Variants in LUC7L3 observed in about 807,000 individuals in gnomAD.
LUC7L3 encodes the protein luc7-like protein 3.
LUC7L3 carries 6 observed loss-of-function variants against 66.8 expected under a neutral mutation model. That is an observed-to-expected ratio of 0.09 (90% CI 0.05 to 0.18). The LOEUF is 0.18. Ranked by LOEUF, LUC7L3 falls within the 10% of genes least tolerant of loss-of-function variation. The probability of loss-of-function intolerance (pLI) is 1.00; values close to 1 mark genes in which losing one functional copy is unlikely to be tolerated. For missense variants in LUC7L3, 341 were observed against 531.1 expected (o/e 0.64, Z 3.52); for synonymous variants, 160 against 174.7 (o/e 0.92, Z 0.66).
At chr17:50,731,378 G>A (rs1016640855) in intron 1 of LUC7L3, among the ~76,000 whole-genome samples, 1 of 152,122 alleles carries the variant, frequency 6.6e-6, no homozygotes, top group African/African-American at 2.4e-5. Context: ...ATGTTGGCCA[G>A]GCTGGTCTTG....
rs2015922 is a variant in LUC7L3 at position 50,727,936 on chromosome 17, C to G, written c.99+8105C>G. Among the ~76,000 whole-genome samples, 284 of 140,584 alleles carry G rather than the reference C, an allele frequency of 2.0e-3. 3 individuals are homozygous for G. Among genetic ancestry groups the G allele is most frequent in the African/African-American group, 7.1e-3 (258 of 36,156 alleles). The allele number at this position is 140,584 out of a possible 152,430, so 92.2% of individuals were successfully genotyped here. A position where few individuals can be genotyped will look rare whatever the true frequency, so the allele number is the denominator to read the frequency against. On this transcript the variant is annotated intron_variant, in intron 1 of 9. Transcript: ENST00000505658. ...TGGCTAACATGGTGAAACCCCATCT[C>G]TACTAAAAATACAAAAAAAAAAAAA...
chr17:50,732,365 C>G (rs1174042591), intron 1 of LUC7L3, among the ~76,000 whole-genome samples: 1 of 152,058 alleles, frequency 6.6e-6, no homozygotes, highest in South Asian at 2.1e-4. Flanking sequence ...TTAATCTTTA[C>G]AATCCCACTA....
rs1315645620 is a variant in LUC7L3, at chr17:50,754,082, G to A, written c.*3421G>A. 6.6e-6 allele frequency: 1 copy of A among 152,142 alleles called. No homozygotes were observed. The highest frequency in any genetic ancestry group is 1.5e-5 in the Non-Finnish European group (1 of 68,032). 9.4% of individuals were successfully genotyped at this position (152,142 alleles called of 1,614,324 possible). On this transcript the variant is annotated 3_prime_UTR_variant, in exon 10 of 10. Coordinates refer to ENST00000505658, the MANE Select transcript of LUC7L3 (RefSeq NM_016424.5). ...TCACAAGAATCCAGTATTGAGACCA[G>A]TTCACTAGAAGAAACAAACATTTCT...
intron 1 of LUC7L3, among the ~76,000 whole-genome samples, chr17:50,735,417 G>A (rs1221999255): frequency 6.6e-6 from 1 of 152,070 alleles, no homozygotes; most frequent in Non-Finnish European, 1.5e-5. Context: ...TGTCTAGAAA[G>A]AACTTTCAGG....
rs1037546834 is a variant in LUC7L3 at position 50,756,000 on chromosome 17, G to C, written c.*5339G>C. 1 of 152,098 alleles carries C rather than the reference G, an allele frequency of 6.6e-6. No individual in the cohort carries two copies. Among genetic ancestry groups the C allele is most frequent in the African/African-American group, 2.4e-5 (1 of 41,390 alleles). 9.4% of individuals were successfully genotyped at this position (152,098 alleles called of 1,614,324 possible). A position where few individuals can be genotyped will look rare whatever the true frequency, so the allele number is the denominator to read the frequency against. On this transcript the variant is annotated 3_prime_UTR_variant, in exon 10 of 10. Coordinates refer to ENST00000505658, the MANE Select transcript of LUC7L3 (RefSeq NM_016424.5). Reference sequence around the variant, plus strand: ...CCATTTCAATGAAAGTCAAAAACAGGCTGTCAAATACATGATAAAAGGAAA... The same window carrying C: ...CCATTTCAATGAAAGTCAAAAACAGCCTGTCAAATACATGATAAAAGGAAA...
At chr17:50,720,602 T>C (rs1968682804) in intron 1 of LUC7L3, among the ~76,000 whole-genome samples, 1 of 152,252 alleles carries the variant, frequency 6.6e-6, no homozygotes, top group Non-Finnish European at 1.5e-5. Flanking sequence ...TTCAAGTGTT[T>C]TGATCTAGTT....
At chr17:50,743,988 T>G (rs4794180) in intron 6 of LUC7L3, among the ~76,000 whole-genome samples, 178 bp downstream of exon 6, 152,102 of 152,380 alleles carry the variant, frequency 1, 75,912 homozygotes, top group Non-Finnish European at 1. Context: ...AGCAACTTTA[T>G]ATAGTACAAG....
intron 9 of LUC7L3, chr17:50,749,241 C>T (rs1250569209): frequency 7.8e-7 from 1 of 1,288,976 alleles, no homozygotes; most frequent in East Asian, 5.5e-5. Flanking sequence ...GATTATTGGA[C>T]TGACTACTAG....
chr17:50,730,621 G>C (rs1365307557), intron 1 of LUC7L3, among the ~76,000 whole-genome samples: 1 of 150,780 alleles, frequency 6.6e-6, no homozygotes, highest in Non-Finnish European at 1.5e-5. Flanking sequence ...GATCTAAGTA[G>C]ATATAGAAAG....
chr17:50,740,249 C>A, intron 2 of LUC7L3, 57 bp from the exon 3 acceptor site: 3 of 1,253,924 alleles, frequency 2.4e-6, no homozygotes, highest in Non-Finnish European at 3.4e-6. Flanking sequence ...TTTTTTTTGG[C>A]AAGAAAAGGT....
At chr17:50,733,951 C>A (rs1364889153) in intron 1 of LUC7L3, among the ~76,000 whole-genome samples, 1 of 152,038 alleles carries the variant, frequency 6.6e-6, no homozygotes, top group Non-Finnish European at 1.5e-5. Context: ...TTATAAAAAT[C>A]GAGTATTGGC....
intron 1 of LUC7L3, chr17:50,722,191 C>CTTTTTTTTTTTTTTTTTTT (rs869286245): frequency 9.4e-5 from 6 of 63,708 alleles, no homozygotes; most frequent in Non-Finnish European, 1.6e-4. Flanking sequence ...CTTATGCATT[C>CTTTTTTTTTTTTTTTTTTT]TTTTTTTTTT....
At chr17:50,744,157 A>AT (rs1237039734) in intron 6 of LUC7L3, among the ~76,000 whole-genome samples, 6 of 152,268 alleles carry the variant, frequency 3.9e-5, no homozygotes, top group Non-Finnish European at 8.8e-5. Flanking sequence ...TTTGTTAAAA[A>AT]TTAATACACC....
chr17:50,750,520 T>A lies in LUC7L3; in HGVS notation c.1158T>A (p.Asp386Glu), dbSNP rs1567880519. ...SKEKEKRGSD[D>E]KKSSVKSGSR... ...TGGCAGAAAAGAGGGGATCTGATGA[T>A]AAAAAAAGTAGTGTGAAGTCCGGTA... is the stretch of plus-strand genomic sequence containing the variant. The change falls in exon 10 of 10, where the codon GAT (aspartate) becomes GAA (glutamate). Residue 386 changes from aspartate (D) to glutamate (E), a missense_variant. Asp to Glu is a conservative substitution (Grantham distance 45, BLOSUM62 2). Coordinates refer to ENST00000505658, the MANE Select transcript of LUC7L3 (RefSeq NM_016424.5). 3 of 1,613,518 alleles carry A rather than the reference T, an allele frequency of 1.9e-6. No individual in the cohort carries two copies. The highest frequency in any genetic ancestry group is 2.5e-6 in the Non-Finnish European group (3 of 1,179,802).
At position 50,752,228 on chromosome 17, in the gene LUC7L3, T is replaced by TA. The variant is rs1971007657; in HGVS notation, c.*1568dup. The TA allele has an allele frequency of 7.8e-7, 1 of 1,286,042 alleles. No individual in the cohort carries two copies. The highest frequency in any genetic ancestry group is 1.2e-5 in the South Asian group (1 of 80,388). 79.7% of individuals were successfully genotyped at this position (1,286,042 alleles called of 1,614,324 possible). ...TACTGTTCGAAGATTTTTGGAAGAA[T>TA]ACTGAGAACGGCATAAAGTGAAGAT... On this transcript the variant is annotated 3_prime_UTR_variant, in exon 10 of 10. Coordinates refer to ENST00000505658, the MANE Select transcript of LUC7L3 (RefSeq NM_016424.5).
At chr17:50,736,711 G>C (rs1039571637) in intron 1 of LUC7L3, 13 of 381,616 alleles carry the variant, frequency 3.4e-5, no homozygotes, top group Non-Finnish European at 4.7e-5. Context: ...GCTACTGGGG[G>C]GTCAGCAGGT....
chr17:50,726,391 C>T (rs753773282), intron 1 of LUC7L3, among the ~76,000 whole-genome samples: 18 of 152,034 alleles, frequency 1.2e-4, no homozygotes, highest in Non-Finnish European at 2.5e-4. Context: ...AGGCTGGGCT[C>T]GAACTCCTGG....
chr17:50,744,578 T>C, intron 6 of LUC7L3, 74 bp from the exon 7 acceptor site: 5 of 1,375,476 alleles, frequency 3.6e-6, no homozygotes, highest in Non-Finnish European at 5.0e-6. Flanking sequence ...AAATCTTTTC[T>C]AAATGTTGAG....
At chr17:50,721,535 CAG>C in intron 1 of LUC7L3, among the ~76,000 whole-genome samples, 1 of 152,308 alleles carries the variant, frequency 6.6e-6, no homozygotes, top group South Asian at 2.1e-4. Flanking sequence ...GCCTTAATGA[CAG>C]ATTGCACTTC....
Sources: gnomAD v4.1 joint callset for allele counts (sites outside exome capture counted in the v4.1 genomes callset) on GRCh38, gnomAD v4.1.1 for gene constraint, MANE v1.5 for transcripts, NCBI Gene and HGNC (gene_info 2026-07-23, HGNC 2026-07-21) for gene names.